ZNF562: variants seen among roughly 807,000 people sequenced by gnomAD.
The protein encoded by ZNF562 is zinc finger protein 562.
Under a neutral mutation model 17.5 loss-of-function variants are expected in ZNF562, and 13 were observed. The observed-to-expected ratio is 0.74, with a 90% CI of 0.48 to 1.18. The LOEUF is 1.18. Ranked by LOEUF, ZNF562 falls within the 50% of genes most tolerant of loss-of-function variation. The probability of loss-of-function intolerance (pLI) is 0.00; values close to 1 mark genes in which losing one functional copy is unlikely to be tolerated. For synonymous variants in ZNF562, 163 were observed against 165.4 expected, an observed-to-expected ratio of 0.99 and a Z score of 0.11; for missense variants, 481 against 498.5, an observed-to-expected ratio of 0.96 and a Z score of 0.33.
chr19:9,664,522 G>T (rs560565681), intron 1 of ZNF562, among the ~76,000 whole-genome samples: 218 of 152,328 alleles, frequency 1.4e-3, no homozygotes, highest in Non-Finnish European at 2.5e-3. Flanking sequence ...GACCCTAACA[G>T]TCACTGATTG....
Position 9,643,397 on chromosome 19 carries a change from G to T in ZNF562, c.*9552C>A, listed in dbSNP as rs954508637. 1 of 151,902 alleles carries T rather than the reference G, an allele frequency of 6.6e-6. No individual in the cohort carries two copies. Among genetic ancestry groups the T allele is most frequent in the Non-Finnish European group, 1.5e-5 (1 of 67,972 alleles). 9.4% of individuals were successfully genotyped at this position (151,902 alleles called of 1,614,324 possible). ...AGAAAAAAAAAATGTGTCTGAAAGG[G>T]TCTTGAGCATCCCTCTGGGCAAATT... On this transcript the variant is annotated 3_prime_UTR_variant, in exon 6 of 6. Coordinates refer to ENST00000453372, the MANE Select transcript of ZNF562 (RefSeq NM_001130031.2).
intron 1 of ZNF562, among the ~76,000 whole-genome samples, chr19:9,663,730 G>A (rs1307285231): frequency 6.6e-6 from 1 of 151,488 alleles, no homozygotes; most frequent in Non-Finnish European, 1.5e-5. Context: ...AGGCTGGAGT[G>A]CAGTGGCGCG....
At chr19:9,663,402 T>C (rs948007171) in intron 1 of ZNF562, among the ~76,000 whole-genome samples, 1 of 124,232 alleles carries the variant, frequency 8.0e-6, no homozygotes, top group Non-Finnish European at 1.6e-5. Context: ...AGAGCGAGAC[T>C]CCATCTCAAA....
At chr19:9,661,260 C>T (rs1355863398) in intron 1 of ZNF562, among the ~76,000 whole-genome samples, 4 of 152,054 alleles carry the variant, frequency 2.6e-5, no homozygotes, top group Admixed American at 6.6e-5. Flanking sequence ...AGTGATCCTC[C>T]CACCTCAGCT....
rs891769224 is a variant in ZNF562 at position 9,650,028 on chromosome 19, T to C, written c.*2921A>G. ...CTTAGGGAAAATAGAAAAGAACCTA[T>C]GTGAATATCGGGGCTGGTTCCCTGA... On this transcript the variant is annotated 3_prime_UTR_variant, in exon 6 of 6. Transcript: ENST00000453372. 6 of 152,086 alleles carry C rather than the reference T, an allele frequency of 3.9e-5. No homozygotes were observed. The highest frequency in any genetic ancestry group is 8.8e-5 in the Non-Finnish European group (6 of 68,014). The allele number at this position is 152,086 out of a possible 1,614,324, so 9.4% of individuals were successfully genotyped here. A position where few individuals can be genotyped will look rare whatever the true frequency, so the allele number is the denominator to read the frequency against.
chr19:9,669,776 A>ACAAC (rs1555699562), intron 1 of ZNF562, among the ~76,000 whole-genome samples: 2 of 143,080 alleles, frequency 1.4e-5, no homozygotes, highest in Non-Finnish European at 3.0e-5. Context: ...ACACACACAC[A>ACAAC]ACCAGTCAGG....
In ZNF562 at chr19:9,650,071, A is replaced by C. The variant is rs539413460; in HGVS notation, c.*2878T>G. On this transcript the variant is annotated 3_prime_UTR_variant, in exon 6 of 6. Coordinates refer to ENST00000453372, the MANE Select transcript of ZNF562 (RefSeq NM_001130031.2). ...TTCCCTGACAGGACATAACCTCTTC[A>C]AAAAATAAAAAAGAAATAAAAGCCT... The C allele has an allele frequency of 4.6e-5, 7 of 152,284 alleles. No homozygotes were observed. Among genetic ancestry groups the C allele is most frequent in the Non-Finnish European group, 1.0e-4 (7 of 68,030 alleles). 9.4% of individuals were successfully genotyped at this position (152,284 alleles called of 1,614,324 possible). A position where few individuals can be genotyped will look rare whatever the true frequency, so the allele number is the denominator to read the frequency against.
intron 1 of ZNF562, among the ~76,000 whole-genome samples, chr19:9,669,959 G>T (rs142933884): frequency 6.6e-6 from 1 of 152,176 alleles, no homozygotes; most frequent in African/African-American, 2.4e-5. Context: ...CTACTCCAGA[G>T]GCTGAGGTAA....
rs144943962 is a variant in ZNF562, at chr19:9,653,307, T to A, written c.923A>T (p.Gln308Leu). The A allele has an allele frequency of 6.2e-7, 1 of 1,614,118 alleles. No homozygotes were observed. Residue 308 changes from glutamine (Q) to leucine (L), a missense_variant, in exon 6 of 6, where the codon CAA (glutamine) becomes CTA (leucine). Physicochemically the swap from Gln to Leu is moderately radical, Grantham distance 113 (BLOSUM62 -2). This residue lies in a region of ZNF562 where 403 missense variants were observed against 386.4 expected (regional missense o/e 1.04). Coordinates refer to ENST00000453372, the MANE Select transcript of ZNF562 (RefSeq NM_001130031.2). ...GTGTGGTTTTATTCCAGTGTGAATT[T>A]GAATGTGAACATTAAAGGATGAGGA... ...RNSSSFNVHI[Q>L]IHTGIKPHKC...
At chr19:9,667,820 C>A (rs1324675885) in intron 1 of ZNF562, among the ~76,000 whole-genome samples, 8 of 151,878 alleles carry the variant, frequency 5.3e-5, no homozygotes. Flanking sequence ...ACCTTGAACT[C>A]CTGATTTCAA....
intron 2 of ZNF562, among the ~76,000 whole-genome samples, chr19:9,660,334 G>C (rs74178169): frequency 6.6e-6 from 1 of 151,768 alleles, no homozygotes; most frequent in Non-Finnish European, 1.5e-5. Context: ...CCTCCTTAAA[G>C]AACTAGCAGC....
chr19:9,661,973 G>A (rs1331503759), intron 1 of ZNF562, among the ~76,000 whole-genome samples: 10 of 152,014 alleles, frequency 6.6e-5, no homozygotes, highest in Non-Finnish European at 1.3e-4. Flanking sequence ...GGTTGCCCAG[G>A]CTGGTCTCAA....
rs1414795888 is a variant in ZNF562 at position 9,656,670 on chromosome 19, G to A, written c.242-17C>T. 1 of 1,606,862 alleles carries A rather than the reference G, an allele frequency of 6.2e-7. No homozygotes were observed. Reference sequence around the variant, plus strand: ...AAAAGAAATCTAAGGGTTTAGAGAAGAAATGTGTTAGTTTAAAATTAGTCA... The same window carrying A: ...AAAAGAAATCTAAGGGTTTAGAGAAAAAATGTGTTAGTTTAAAATTAGTCA... On this transcript the variant is annotated splice_polypyrimidine_tract_variant and intron_variant, in intron 4 of 5. Coordinates refer to ENST00000453372, the MANE Select transcript of ZNF562 (RefSeq NM_001130031.2).
chr19:9,667,786 G>A (rs115974667), intron 1 of ZNF562, among the ~76,000 whole-genome samples: 1 of 151,754 alleles, frequency 6.6e-6, no homozygotes, highest in African/African-American at 2.4e-5. Flanking sequence ...GGGCAGAGGG[G>A]TCCTCAATAT....
rs138885454 is a variant in ZNF562, at chr19:9,671,738, G to C, written c.-131+3277C>G. On this transcript the variant is annotated intron_variant, in intron 1 of 5. Coordinates refer to ENST00000453372, the MANE Select transcript of ZNF562 (RefSeq NM_001130031.2). The stretch of plus-strand genomic sequence containing the variant: ...GCATGTTATTTATTGGAAGCCTCCG[G>C]CATGCACCAACAGAAGATGTAGAGT... Among the ~76,000 whole-genome samples, 9 of 152,348 alleles carry C rather than the reference G, an allele frequency of 5.9e-5. No individual in the cohort carries two copies. In the East Asian group the frequency reaches 1.7e-3, roughly 29 times the overall value.
rs753091393 is a variant in ZNF562, at chr19:9,643,044, GAAA to G, written c.*9902_*9904del. The G allele has an allele frequency of 3.9e-5, 3 of 76,258 alleles. No homozygotes were observed. Among genetic ancestry groups the G allele is most frequent in the East Asian group, 3.5e-4 (1 of 2,880 alleles). The allele number at this position is 76,258 out of a possible 1,614,324, so 4.7% of individuals were successfully genotyped here. On this transcript the variant is annotated 3_prime_UTR_variant, in exon 6 of 6. Coordinates refer to ENST00000453372, the MANE Select transcript of ZNF562 (RefSeq NM_001130031.2). Reference sequence around the variant, plus strand: ...GTGACATGGCAAGACACTGTCTCTGGAAAAAAAAAAAAAAAAAAAGAACACCAC... The same window carrying G: ...GTGACATGGCAAGACACTGTCTCTGGAAAAAAAAAAAAAAAAGAACACCAC...
In ZNF562 at chr19:9,647,157, T is replaced by C. The variant is rs191550250; in HGVS notation, c.*5792A>G. 2.0e-5 allele frequency: 3 copies of C among 149,622 alleles called. No homozygotes were observed. Among genetic ancestry groups the C allele is most frequent in the East Asian group, 4.0e-4 (2 of 5,002 alleles). The allele number at this position is 149,622 out of a possible 1,614,324, so 9.3% of individuals were successfully genotyped here. A position where few individuals can be genotyped will look rare whatever the true frequency, so the allele number is the denominator to read the frequency against. The stretch of plus-strand genomic sequence containing the variant: ...AGTGCAGTGGTGTGATCTAGGCTCA[T>C]TGAAACCTCCACTTCAGGGGTTCAA... On this transcript the variant is annotated 3_prime_UTR_variant, in exon 6 of 6. Transcript: ENST00000453372.
At chr19:9,655,845 G>A (rs2043460937) in intron 5 of ZNF562, among the ~76,000 whole-genome samples, 1 of 139,330 alleles carries the variant, frequency 7.2e-6, no homozygotes, top group Non-Finnish European at 1.5e-5. Flanking sequence ...CAATTGTCCT[G>A]CCTCAGCCGC....
In ZNF562 at chr19:9,653,707, G is replaced by A. The variant is rs1184383513; in HGVS notation, c.523C>T (p.Leu175Phe). 1.2e-6 allele frequency: 2 copies of A among 1,614,084 alleles called. No individual in the cohort carries two copies. Among genetic ancestry groups the A allele is most frequent in the East Asian group, 2.2e-5 (1 of 44,868 alleles). ...TTTCCACATGGATTAAATTTGGAAA[G>A]TTCTTGTCCAATAGAGGCTTCCTTG... ...VHKEASIGQELSKFNPCGKVF... is the reference protein window; with the variant it reads ...VHKEASIGQEFSKFNPCGKVF... The change falls in exon 6 of 6, where the codon CTT becomes TTT. Residue 175 changes from leucine to phenylalanine, a missense_variant. By Grantham distance (22) the Leu-to-Phe change is conservative. Around this residue, in one of 2 missense-constraint regions of ZNF562, gnomAD observed 403 missense variants for 386.4 expected, o/e 1.04. Coordinates refer to ENST00000453372, the MANE Select transcript of ZNF562 (RefSeq NM_001130031.2).
Sources: gnomAD v4.1 joint callset for allele counts (sites outside exome capture counted in the v4.1 genomes callset) on GRCh38, gnomAD v4.1.1 for gene constraint, gnomAD v4.1.1 regional missense constraint, MANE v1.5 for transcripts, NCBI Gene and HGNC (gene_info 2026-07-23, HGNC 2026-07-21) for gene names.